The following LRP2BP variants were observed in gnomAD, a reference collection of about 807,000 sequenced individuals.
LRP2BP encodes the protein LRP2 binding protein.
Under a neutral mutation model 45.2 loss-of-function variants are expected in LRP2BP, and 38 were observed. The observed-to-expected ratio is 0.84, with a 90% confidence interval of 0.65 to 1.10. LRP2BP has a LOEUF of 1.10. LRP2BP is among the 50% of genes least tolerant of loss of function. The pLI, the probability that LRP2BP is intolerant of heterozygous loss-of-function variation, is 0.00. For missense variants in LRP2BP, 385 were observed against 418.9 expected, an observed-to-expected ratio of 0.92 and a Z score of 0.71; for synonymous variants, 153 against 153.9, an observed-to-expected ratio of 0.99 and a Z score of 0.04.
chr4:185,383,198 G>A (rs2095460670), intron 1 of LRP2BP, among the ~76,000 whole-genome samples: 1 of 152,204 alleles, frequency 6.6e-6, no homozygotes, highest in Admixed American at 6.5e-5. Context: ...CAGGCTGGGT[G>A]TGGTGGTTCA....
chr4:185,376,300 G>A (rs907714728), intron 3 of LRP2BP, among the ~76,000 whole-genome samples: 11 of 151,918 alleles, frequency 7.2e-5, no homozygotes, highest in African/African-American at 2.4e-4. Flanking sequence ...TTTTTTGAGA[G>A]GGAGTCTCGC....
intron 1 of LRP2BP, among the ~76,000 whole-genome samples, chr4:185,393,757 C>G (rs2095494536): frequency 6.6e-6 from 1 of 151,738 alleles, no homozygotes; most frequent in South Asian, 2.1e-4. Context: ...AACTGCTGAC[C>G]TCAGGCGATC....
At chr4:185,373,375 G>A (rs146960763) in intron 6 of LRP2BP, among the ~76,000 whole-genome samples, 221 of 152,276 alleles carry the variant, frequency 1.5e-3, no homozygotes, top group African/African-American at 5.2e-3. Flanking sequence ...GTAAGGATCA[G>A]GAAGATGCCA....
intron 1 of LRP2BP, among the ~76,000 whole-genome samples, chr4:185,387,791 C>T (rs2095475956): frequency 1.3e-5 from 2 of 152,214 alleles, no homozygotes; most frequent in East Asian, 1.9e-4. Flanking sequence ...AGGTGGGCAG[C>T]GTCTTCACAC....
At chr4:185,368,609 C>T (rs1029912711) in intron 8 of LRP2BP, among the ~76,000 whole-genome samples, 29 of 152,320 alleles carry the variant, frequency 1.9e-4, no homozygotes, top group African/African-American at 6.5e-4. Context: ...CCAGACCCTT[C>T]ACTGGTTTAC....
At chr4:185,394,282 AAAAG>A (rs1431962881) in intron 1 of LRP2BP, among the ~76,000 whole-genome samples, 1 of 143,994 alleles carries the variant, frequency 6.9e-6, no homozygotes, top group East Asian at 2.1e-4. Flanking sequence ...AAAAAAAAAA[AAAAG>A]GCCTTTGGTT....
In LRP2BP at chr4:185,364,548, C is replaced by T. The variant is rs1056171655; in HGVS notation, c.*2632G>A. ...GATGTAACCTATGCCAGTTTATATA[C>T]GTATGATATACATATCATACCTGCT... On this transcript the variant is annotated 3_prime_UTR_variant, in exon 9 of 9. Coordinates refer to ENST00000505916, the MANE Select transcript of LRP2BP (RefSeq NM_001377440.1). 4 of 152,108 alleles carry T rather than the reference C, an allele frequency of 2.6e-5. No individual in the cohort carries two copies. The highest frequency in any genetic ancestry group is 6.6e-5 in the Admixed American group (1 of 15,262). 9.4% of individuals were successfully genotyped at this position (152,108 alleles called of 1,614,324 possible). A position where few individuals can be genotyped will look rare whatever the true frequency, so the allele number is the denominator to read the frequency against.
chr4:185,374,550 C>A, intron 4 of LRP2BP, 89 bp from the exon 5 acceptor site: 1 of 1,354,602 alleles, frequency 7.4e-7, no homozygotes, highest in Non-Finnish European at 1.0e-6. Context: ...GAAGTGTCCG[C>A]CCTCTGACAC....
chr4:185,381,598 A>C (rs866612688), intron 1 of LRP2BP, among the ~76,000 whole-genome samples: 18 of 152,168 alleles, frequency 1.2e-4, no homozygotes, highest in Admixed American at 2.0e-4. Context: ...TCTGAATATA[A>C]ATCACCCATT....
At chr4:185,367,280 T>G in intron 8 of LRP2BP, 35 bp from the exon 9 acceptor site, 1 of 1,549,654 alleles carries the variant, frequency 6.5e-7, no homozygotes, top group Non-Finnish European at 8.8e-7. Flanking sequence ...TTTAGATACA[T>G]TCTAATTGTT....
upstream of LRP2BP, chr4:185,395,945 G>C (rs1382422943): frequency 3.1e-6 from 3 of 977,078 alleles, no homozygotes; most frequent in Non-Finnish European, 3.6e-6. Flanking sequence ...TCTGACGTCA[G>C]TAGCTGCCAT....
At chr4:185,370,058 TAA>T (rs1368089812) in intron 8 of LRP2BP, 1 of 178,096 alleles carries the variant, frequency 5.6e-6, no homozygotes, top group East Asian at 1.7e-4. Context: ...AATCTAAACT[TAA>T]GAGTTAGTAC....
At chr4:185,371,803 C>T (rs751712677) in intron 7 of LRP2BP, among the ~76,000 whole-genome samples, 5 of 152,146 alleles carry the variant, frequency 3.3e-5, no homozygotes, top group Non-Finnish European at 5.9e-5. Flanking sequence ...GAGCCCGAGA[C>T]GCTGGGGAAG....
At chr4:185,371,000 A>G (rs921969654) in intron 7 of LRP2BP, 186 bp from the exon 8 acceptor site, 10 of 562,796 alleles carry the variant, frequency 1.8e-5, no homozygotes, top group Non-Finnish European at 2.8e-5. Context: ...TGAGCTTCCC[A>G]GAGTGGTGAC....
At chr4:185,396,214 T>C (rs2095502143), upstream of LRP2BP, 1 of 152,102 alleles carries the variant, frequency 6.6e-6, no homozygotes, top group African/African-American at 2.4e-5. Context: ...GAGTTCGCGC[T>C]CGCCGTCCCC....
At chr4:185,397,128 T>C (rs924549486), upstream of LRP2BP, 4 of 1,612,784 alleles carry the variant, frequency 2.5e-6, 1 homozygote, top group Admixed American at 6.7e-5. Flanking sequence ...GGAAGGGTGC[T>C]GGATCTGTTC....
rs897127413 is a variant in LRP2BP, at chr4:185,395,353, G to A, written c.-596C>T. 2 of 985,252 alleles carry A rather than the reference G, an allele frequency of 2.0e-6. No homozygotes were observed. Among genetic ancestry groups the A allele is most frequent in the African/African-American group, 3.5e-5 (2 of 57,236 alleles). 61.0% of individuals were successfully genotyped at this position (985,252 alleles called of 1,614,324 possible). The stretch of plus-strand genomic sequence containing the variant: ...TGTTCAAAACTGTAAGAACGTGTCT[G>A]ATACCCTTTATTAGTTAGGAATTCC... On this transcript the variant is annotated 5_prime_UTR_variant, in exon 1 of 9. Coordinates refer to ENST00000505916, the MANE Select transcript of LRP2BP (RefSeq NM_001377440.1).
At chr4:185,388,444 T>TATCAATCATCTAC (rs2095478118) in intron 1 of LRP2BP, among the ~76,000 whole-genome samples, 1 of 5,086 alleles carries the variant, frequency 2.0e-4, no homozygotes, top group African/African-American at 4.4e-4. Flanking sequence ...TATCTACCTA[T>TATCAATCATCTAC]CTGCCTACCT....
intron 1 of LRP2BP, among the ~76,000 whole-genome samples, chr4:185,381,409 T>C (rs1266917025): frequency 1.3e-5 from 2 of 152,200 alleles, no homozygotes; most frequent in Non-Finnish European, 2.9e-5. Context: ...CATGTTTTTG[T>C]TGCGGATAAA....
Sources: gnomAD v4.1 joint callset for allele counts (sites outside exome capture counted in the v4.1 genomes callset) on GRCh38, gnomAD v4.1.1 for gene constraint, MANE v1.5 for transcripts, NCBI Gene and HGNC (gene_info 2026-07-23, HGNC 2026-07-21) for gene names.